SRA1: variants seen among roughly 807,000 people sequenced by gnomAD.
SRA1 encodes lncRNA SRA.
SRA1 carries 25 observed loss-of-function variants against 24.3 expected under a neutral mutation model. The observed-to-expected ratio is 1.03, with a 90% CI of 0.75 to 1.43. The LOEUF (loss-of-function observed/expected upper bound fraction) is 1.43. SRA1 is among the 40% of genes most tolerant of loss of function. SRA1 has a pLI of 0.00. For synonymous variants in SRA1, 104 were observed against 109.5 expected, an observed-to-expected ratio of 0.95 and a Z score of 0.31; for missense variants, 303 against 286.6, an observed-to-expected ratio of 1.06 and a Z score of -0.41.
intron 4 of SRA1, 41 bp from the exon 5 acceptor site, chr5:140,550,952 A>AGAG (rs1354393003): frequency 1.9e-6 from 3 of 1,599,010 alleles, no homozygotes; most frequent in Admixed American, 1.7e-5. Flanking sequence ...CTGTGGTACA[A>AGAG]GAGCTTCCAT....
At chr5:140,551,482 CAG>C in intron 3 of SRA1, 1 of 297,472 alleles carries the variant, frequency 3.4e-6, no homozygotes, top group Non-Finnish European at 6.3e-6. Flanking sequence ...AGGGGCTTCT[CAG>C]ACTCTCAGAA....
intron 2 of SRA1, among the ~76,000 whole-genome samples, chr5:140,556,725 T>C (rs1169079060): frequency 6.6e-6 from 1 of 151,960 alleles, no homozygotes; most frequent in Non-Finnish European, 1.5e-5. Flanking sequence ...GTGCCTGACT[T>C]ATAGAAGTGC....
At chr5:140,553,002 G>C (rs1184418081) in intron 2 of SRA1, among the ~76,000 whole-genome samples, 1 of 152,140 alleles carries the variant, frequency 6.6e-6, no homozygotes, top group Non-Finnish European at 1.5e-5. Context: ...AAGAGAAATG[G>C]GAGAACCTAT....
At chr5:140,555,316 G>A (rs1244795371) in intron 2 of SRA1, among the ~76,000 whole-genome samples, 1 of 151,916 alleles carries the variant, frequency 6.6e-6, no homozygotes, top group Non-Finnish European at 1.5e-5. Flanking sequence ...GTGCGATGTC[G>A]GCTCACTGCA....
chr5:140,557,413 G>A lies in SRA1; in HGVS notation c.25+15C>T, dbSNP rs1056668108. The A allele has an allele frequency of 6.3e-7, 1 of 1,581,420 alleles. No homozygotes were observed. The highest frequency in any genetic ancestry group is 8.6e-7 in the Non-Finnish European group (1 of 1,165,946). The stretch of plus-strand genomic sequence containing the variant: ...GGGCGACAACCTAGTGCCCTAGCCC[G>A]CCGGCTGCGCTCACCCGGCTTCACG... On this transcript the variant is annotated intron_variant, in intron 1 of 4. Transcript: ENST00000336283.
At chr5:140,552,292 C>A (rs1364005673) in intron 2 of SRA1, 108 bp from the exon 3 acceptor site, 6 of 823,142 alleles carry the variant, frequency 7.3e-6, no homozygotes, top group Non-Finnish European at 1.1e-5. Flanking sequence ...CTTATTCATT[C>A]AAAAATATGC....
Position 140,550,357 on chromosome 5 carries a change from G to A in SRA1, c.*343C>T. 1 of 326,222 alleles carries A rather than the reference G, an allele frequency of 3.1e-6. No individual in the cohort carries two copies. Among genetic ancestry groups the A allele is most frequent in the East Asian group, 6.7e-5 (1 of 14,848 alleles). 20.2% of individuals were successfully genotyped at this position (326,222 alleles called of 1,614,324 possible). Reference sequence around the variant, plus strand: ...AGTCTACTTTGGGAAAAAGTGGTAGGCAGTAGTCTGACTTTACCCAGCAGA... The same window carrying A: ...AGTCTACTTTGGGAAAAAGTGGTAGACAGTAGTCTGACTTTACCCAGCAGA... On this transcript the variant is annotated 3_prime_UTR_variant, in exon 5 of 5. Coordinates refer to ENST00000336283, the MANE Select transcript of SRA1 (RefSeq NM_001035235.4).
Position 140,557,404 on chromosome 5 carries a change from C to T in SRA1, c.25+24G>A, listed in dbSNP as rs763376873. 1.1e-5 allele frequency: 17 copies of T among 1,586,732 alleles called. No homozygotes were observed. The African/African-American group carries it at 1.6e-4, about 15-fold the overall frequency. On this transcript the variant is annotated intron_variant, in intron 1 of 4. Coordinates refer to ENST00000336283, the MANE Select transcript of SRA1 (RefSeq NM_001035235.4). ...CCTAGGCCGGGGCGACAACCTAGTG[C>T]CCTAGCCCGCCGGCTGCGCTCACCC...
chr5:140,556,953 A>G (rs1754722087), intron 2 of SRA1, among the ~76,000 whole-genome samples, 194 bp downstream of exon 2: 1 of 152,200 alleles, frequency 6.6e-6, no homozygotes, highest in African/African-American at 2.4e-5. Context: ...TTTTAAATCA[A>G]TACACCATTT....
intron 1 of SRA1, 27 bp downstream of exon 1, chr5:140,557,401 G>C (rs773614825): frequency 2.5e-6 from 4 of 1,591,006 alleles, no homozygotes; most frequent in Non-Finnish European, 3.4e-6. Context: ...CGACAACCTA[G>C]TGCCCTAGCC....
At chr5:140,553,463 A>C (rs1336118112) in intron 2 of SRA1, among the ~76,000 whole-genome samples, 2 of 152,232 alleles carry the variant, frequency 1.3e-5, no homozygotes, top group Non-Finnish European at 2.9e-5. Flanking sequence ...GTGCCCAAGA[A>C]GCAGGAAAAC....
chr5:140,557,338 G>A (rs776610083), intron 1 of SRA1, 66 bp from the exon 2 acceptor site: 7 of 1,604,216 alleles, frequency 4.4e-6, no homozygotes, highest in Non-Finnish European at 4.2e-6. Flanking sequence ...TGGGGCTGGG[G>A]GAGACAGAGG....
chr5:140,554,331 T>C (rs1421080999), intron 2 of SRA1, among the ~76,000 whole-genome samples: 1 of 152,212 alleles, frequency 6.6e-6, no homozygotes, highest in Non-Finnish European at 1.5e-5. Flanking sequence ...ACATTTTGGC[T>C]CATTTTTTCC....
chr5:140,552,470 T>TG (rs1754592741), intron 2 of SRA1, among the ~76,000 whole-genome samples: 1 of 151,920 alleles, frequency 6.6e-6, no homozygotes, highest in African/African-American at 2.4e-5. Flanking sequence ...CTGGCCAACA[T>TG]GGCAAAACCC....
intron 2 of SRA1, among the ~76,000 whole-genome samples, chr5:140,552,823 TTAG>T (rs1224139973): frequency 6.6e-6 from 1 of 152,064 alleles, no homozygotes; most frequent in East Asian, 1.9e-4. Flanking sequence ...ATTTTAAAAG[TTAG>T]TCAAGTGTGG....
rs1754743341 is a variant in SRA1, at chr5:140,557,271, G to T, written c.27C>A (p.Gly9=). ...GGTCGTTCCAGCCGCGTTCCTTGTT[G>T]CCTGCGGAGGCGAGGGATGTGTGAA... MAELYVKP[G]NKERGWNDPP... Residue 9 remains glycine (G), a splice_region_variant and synonymous_variant, in exon 2 of 5, where the codon GGC becomes GGA. Transcript: ENST00000336283. 1 of 1,611,080 alleles carries T rather than the reference G, an allele frequency of 6.2e-7. No individual in the cohort carries two copies. Among genetic ancestry groups the T allele is most frequent in the South Asian group, 1.1e-5 (1 of 91,058 alleles).
In SRA1 at chr5:140,550,900, G is replaced by A; in HGVS notation, c.475C>T (p.His159Tyr). Residue 159 changes from histidine to tyrosine, a missense_variant, in exon 5 of 5, where the codon CAC (histidine) becomes TAC (tyrosine). By Grantham distance (83) the His-to-Tyr change is moderately conservative. Coordinates refer to ENST00000336283, the MANE Select transcript of SRA1 (RefSeq NM_001035235.4). ...ATGTCATCTGCTGCGTCCCACCGGT[G>A]GCTTGAAAGCTCTGAAGAGAGACGG... ...MALLVQELSSHRWDAADDIHR... is the reference protein window; with the variant it reads ...MALLVQELSSYRWDAADDIHR... The A allele has an allele frequency of 6.2e-7, 1 of 1,614,138 alleles. No homozygotes were observed. Among genetic ancestry groups the A allele is most frequent in the Non-Finnish European group, 8.5e-7 (1 of 1,180,026 alleles).
intron 2 of SRA1, among the ~76,000 whole-genome samples, chr5:140,554,072 TC>T (rs1174578274): frequency 6.6e-6 from 1 of 152,084 alleles, no homozygotes; most frequent in East Asian, 1.9e-4. Flanking sequence ...CAGCCTGTCA[TC>T]CCCCTGCCTT....
chr5:140,550,731 T>TGGTTC lies in SRA1; in HGVS notation c.639_643dup (p.His215ArgfsTer51). On this transcript the variant is annotated frameshift_variant, in exon 5 of 5. Transcript: ENST00000336283. LOFTEE classifies it high-confidence loss of function. ...AGCCTGCTGGAAGCCTGGTATGGTA[T>TGGTTC]GGTTCTTCTCAGCTGTGGCTGCAGA... 1 of 1,614,158 alleles carries TGGTTC rather than the reference T, an allele frequency of 6.2e-7. No individual in the cohort carries two copies. Among genetic ancestry groups the TGGTTC allele is most frequent in the Non-Finnish European group, 8.5e-7 (1 of 1,180,024 alleles).
Sources: allele counts gnomAD v4.1 joint callset (sites outside exome capture counted in the v4.1 genomes callset), GRCh38; gene constraint gnomAD v4.1.1; transcripts MANE v1.5; gene names NCBI Gene and HGNC (gene_info 2026-07-23, HGNC 2026-07-21).